Variants in NTRK2 observed in about 807,000 individuals in gnomAD.
The protein encoded by NTRK2 is BDNF/NT-3 growth factors receptor.
NTRK2 carries 13 observed loss-of-function variants against 94.5 expected under a neutral mutation model. The ratio of observed to expected loss-of-function variants is 0.14; its 90% CI spans 0.09 to 0.22. NTRK2 has a LOEUF of 0.22. Ranked by LOEUF, NTRK2 falls within the 10% of genes least tolerant of loss-of-function variation. The pLI is 1.00. For missense variants in NTRK2, 639 were observed against 1,071.2 expected (o/e 0.60, Z 5.63); for synonymous variants, 372 against 407.4 (o/e 0.91, Z 1.05).
chr9:84,744,757 G>A (rs1314645794), intron 10 of NTRK2, among the ~76,000 whole-genome samples: 5 of 152,150 alleles, frequency 3.3e-5, no homozygotes, highest in Non-Finnish European at 5.9e-5. Context: ...ATGATGTAAA[G>A]GTCTGGGTTG....
intron 17 of NTRK2, among the ~76,000 whole-genome samples, chr9:84,971,609 C>T (rs983248451): frequency 3.9e-5 from 6 of 152,166 alleles, no homozygotes; most frequent in African/African-American, 1.4e-4. Context: ...GTGCAAAACC[C>T]AGCTGTAGAA....
At chr9:84,727,621 C>G in intron 8 of NTRK2, 33 bp from the exon 9 acceptor site, 1 of 1,603,616 alleles carries the variant, frequency 6.2e-7, no homozygotes, top group Non-Finnish European at 8.5e-7. Context: ...TCTGAGCTTT[C>G]TGATGCTATT....
chr9:84,728,838 C>T (rs953852689), intron 9 of NTRK2, among the ~76,000 whole-genome samples: 1 of 152,202 alleles, frequency 6.6e-6, no homozygotes, highest in Admixed American at 6.5e-5. Context: ...GGACAAGTGT[C>T]ATGCATTTAC....
At chr9:84,845,250 T>TATACACACACAC (rs374265197) in intron 12 of NTRK2, among the ~76,000 whole-genome samples, 21 of 148,010 alleles carry the variant, frequency 1.4e-4, no homozygotes, top group African/African-American at 4.5e-4. Flanking sequence ...ATGTGGTGTA[T>TATACACACACAC]ACACACACAC....
intron 2 of NTRK2, among the ~76,000 whole-genome samples, chr9:84,674,994 TG>T (rs1206633883): frequency 6.6e-6 from 1 of 152,240 alleles, no homozygotes; most frequent in East Asian, 1.9e-4. Context: ...GAGAAGAGCC[TG>T]GGCTGTATGT....
intron 6 of NTRK2, among the ~76,000 whole-genome samples, chr9:84,712,288 G>A (rs749952167): frequency 3.9e-5 from 6 of 152,178 alleles, no homozygotes; most frequent in East Asian, 1.9e-4. Flanking sequence ...AATGCACCCC[G>A]CCTTACGTGT....
chr9:84,925,864 A>C (rs78707277), intron 14 of NTRK2, among the ~76,000 whole-genome samples: 1 of 152,292 alleles, frequency 6.6e-6, no homozygotes, highest in East Asian at 1.9e-4. Flanking sequence ...GGTCTTCAAT[A>C]GCTCCCCAGG....
chr9:84,883,678 C>T (rs369184585), intron 14 of NTRK2, among the ~76,000 whole-genome samples: 5 of 152,212 alleles, frequency 3.3e-5, no homozygotes, highest in African/African-American at 1.2e-4. Context: ...TTTTCACAAA[C>T]ACTTCATAAA....
chr9:84,757,947 T>C (rs1342326210), intron 12 of NTRK2, among the ~76,000 whole-genome samples: 1 of 152,150 alleles, frequency 6.6e-6, no homozygotes, highest in Non-Finnish European at 1.5e-5. Flanking sequence ...AGTCTCCCAC[T>C]AACAGTATGT....
At chr9:84,807,723 T>C (rs1432336647) in intron 12 of NTRK2, among the ~76,000 whole-genome samples, 1 of 152,242 alleles carries the variant, frequency 6.6e-6, no homozygotes, top group Non-Finnish European at 1.5e-5. Context: ...TTTTGTATCA[T>C]TTTGTGGTCT....
chr9:84,870,497 TG>T (rs1362426193), intron 14 of NTRK2, among the ~76,000 whole-genome samples: 1 of 150,706 alleles, frequency 6.6e-6, no homozygotes, highest in African/African-American at 2.4e-5. Flanking sequence ...CCGTCATGTC[TG>T]GCTAATTTTT....
chr9:84,755,421 G>A (rs753082337), intron 12 of NTRK2, among the ~76,000 whole-genome samples: 3 of 151,764 alleles, frequency 2.0e-5, no homozygotes, highest in Non-Finnish European at 4.4e-5. Context: ...ACCTAAGTTC[G>A]GTAATTGGAA....
intron 12 of NTRK2, among the ~76,000 whole-genome samples, chr9:84,797,710 A>AT (rs2133319576): frequency 1.4e-5 from 1 of 71,528 alleles, no homozygotes; most frequent in Non-Finnish European, 2.5e-5. Context: ...TATATACTAT[A>AT]ATAATATATA....
chr9:84,936,307 C>G (rs2078211257), intron 15 of NTRK2, among the ~76,000 whole-genome samples: 1 of 152,116 alleles, frequency 6.6e-6, no homozygotes, highest in Non-Finnish European at 1.5e-5. Flanking sequence ...TCCAGGGCAC[C>G]CTCAGCTTAT....
intron 14 of NTRK2, chr9:84,877,529 C>A: frequency 2.8e-5 from 30 of 1,066,088 alleles, no homozygotes; most frequent in Non-Finnish European, 3.4e-5. Context: ...TGGCCAAGGA[C>A]CCCCCTCCTA....
chr9:84,698,425 A>G (rs1456324305), intron 2 of NTRK2, among the ~76,000 whole-genome samples: 7 of 151,826 alleles, frequency 4.6e-5, no homozygotes, highest in African/African-American at 7.3e-5. Flanking sequence ...AACAATGTCT[A>G]TTTCTTTATG....
chr9:84,787,998 A>G (rs1275863973), intron 12 of NTRK2, among the ~76,000 whole-genome samples: 2 of 152,198 alleles, frequency 1.3e-5, no homozygotes, highest in East Asian at 1.9e-4. Flanking sequence ...GCTACTTATA[A>G]GGCTATTATG....
intron 4 of NTRK2, among the ~76,000 whole-genome samples, chr9:84,706,085 C>T (rs11140738): frequency 0.054 from 8,145 of 152,020 alleles, 283 homozygotes; most frequent in Middle Eastern, 0.11. Flanking sequence ...CCACTGCACC[C>T]GGCCAAAACC....
chr9:84,713,293 G>T (rs1458891378), intron 6 of NTRK2, among the ~76,000 whole-genome samples: 2 of 151,964 alleles, frequency 1.3e-5, no homozygotes, highest in Non-Finnish European at 2.9e-5. Context: ...TTGTTTGAAA[G>T]TGATAAATAT....
Sources: gnomAD v4.1 joint callset for allele counts (sites outside exome capture counted in the v4.1 genomes callset) on GRCh38, gnomAD v4.1.1 for gene constraint, MANE v1.5 for transcripts, NCBI Gene and HGNC (gene_info 2026-07-23, HGNC 2026-07-21) for gene names.